GNAI2: variants seen among roughly 807,000 people sequenced by gnomAD.
GNAI2 encodes G protein subunit alpha i2.
Under a neutral mutation model 36.8 loss-of-function variants are expected in GNAI2, and 4 were observed. The ratio of observed to expected loss-of-function variants is 0.11; its 90% CI spans 0.05 to 0.25. The LOEUF (loss-of-function observed/expected upper bound fraction) is 0.25. GNAI2 is among the 10% of genes least tolerant of loss of function. The probability of loss-of-function intolerance (pLI) is 1.00; values close to 1 mark genes in which losing one functional copy is unlikely to be tolerated. For missense variants in GNAI2, 230 were observed against 481.3 expected (o/e 0.48, Z 4.89); for synonymous variants, 194 against 194.1 (o/e 1.00, Z 0.01).
Position 50,253,223 on chromosome 3 carries a change from CT to C in GNAI2, c.464+40del. 3.9e-6 allele frequency: 6 copies of C among 1,539,120 alleles called. No individual in the cohort carries two copies. Among genetic ancestry groups the C allele is most frequent in the Non-Finnish European group, 5.4e-6 (6 of 1,121,474 alleles). The stretch of plus-strand genomic sequence containing the variant: ...GGGGCTGGGCAGGGCAGGGCAGGGG[CT>C]GGGGGAGGACTAAAGGCTGGACCGG... On this transcript the variant is annotated intron_variant, in intron 4 of 8. Coordinates refer to ENST00000313601, the MANE Select transcript of GNAI2 (RefSeq NM_002070.4). The surrounding 1 kb of genome is among the most constrained non-coding windows in gnomAD (Gnocchi z 4.2).
chr3:50,251,910 G>A, intron 1 of GNAI2, 190 bp from the exon 2 acceptor site: 1 of 932,836 alleles, frequency 1.1e-6, no homozygotes, highest in Non-Finnish European at 1.6e-6. Flanking sequence ...AGGTTACCTT[G>A]ACCACTGTGG....
intron 1 of GNAI2, chr3:50,251,587 A>T: frequency 8.2e-7 from 1 of 1,224,026 alleles, no homozygotes; most frequent in Non-Finnish European, 1.0e-6. Context: ...CCATGTCCAG[A>T]AAGCTGAAGT....
chr3:50,238,870 C>T lies in GNAI2; in HGVS notation c.118+2417C>T, dbSNP rs1391113165. 2.6e-5 allele frequency among the ~76,000 whole-genome samples: 4 copies of T among 152,226 alleles called. No homozygotes were observed. The East Asian group carries it at 7.7e-4, about 29-fold the overall frequency. ...TCCAGGCAACGGGACTCAGGTTGGGCAACTGCCAGCCTTCCCTCCCAGCCA... is the reference window on the plus strand; with the variant it reads ...TCCAGGCAACGGGACTCAGGTTGGGTAACTGCCAGCCTTCCCTCCCAGCCA... On this transcript the variant is annotated intron_variant, in intron 1 of 8. Coordinates refer to ENST00000313601, the MANE Select transcript of GNAI2 (RefSeq NM_002070.4). The surrounding 1 kb of genome is among the most constrained non-coding windows in gnomAD (Gnocchi z 5.0).
intron 1 of GNAI2, among the ~76,000 whole-genome samples, chr3:50,243,647 T>C (rs1306439247): frequency 6.6e-6 from 1 of 152,236 alleles, no homozygotes; most frequent in Non-Finnish European, 1.5e-5. Flanking sequence ...TTCATTATCT[T>C]GTCATATTTA....
chr3:50,257,758 C>G (rs587710244), intron 8 of GNAI2, 44 bp downstream of exon 8: 4 of 545,780 alleles, frequency 7.3e-6, no homozygotes, highest in African/African-American at 5.4e-5. Context: ...AAGAACTAAG[C>G]GGGCCTGGAG....
intron 1 of GNAI2, chr3:50,246,805 C>G (rs1700434893): frequency 1.1e-6 from 1 of 876,390 alleles, no homozygotes; most frequent in East Asian, 3.0e-5. Flanking sequence ...CAGTGAGGCT[C>G]CTGGGCAGGA....
chr3:50,229,206 G>T (rs1273463378), upstream of GNAI2: 3 of 152,228 alleles, frequency 2.0e-5, no homozygotes, highest in Non-Finnish European at 1.5e-5. Flanking sequence ...GAATAGAATT[G>T]ATTATCATTT....
intron 1 of GNAI2, among the ~76,000 whole-genome samples, chr3:50,251,110 G>A (rs1261903815): frequency 2.0e-5 from 3 of 152,032 alleles, no homozygotes; most frequent in Non-Finnish European, 4.4e-5. Context: ...CACTCCCGGC[G>A]GAATCTGCTT....
chr3:50,252,266 A>T lies in GNAI2; in HGVS notation c.161+124A>T. On this transcript the variant is annotated intron_variant, in intron 2 of 8. Coordinates refer to ENST00000313601, the MANE Select transcript of GNAI2 (RefSeq NM_002070.4). The surrounding 1 kb of genome is among the most constrained non-coding windows in gnomAD (Gnocchi z 4.1). ...CCAGGCCCAGAATCTTCTGAGAAGC[A>T]GAAGGACCCTCAGGTCCCAGTGGGT... The T allele has an allele frequency of 7.2e-7, 1 of 1,397,492 alleles. No individual in the cohort carries two copies. Among genetic ancestry groups the T allele is most frequent in the Non-Finnish European group, 1.0e-6 (1 of 992,150 alleles). The allele number at this position is 1,397,492 out of a possible 1,614,324, so 86.6% of individuals were successfully genotyped here.
At chr3:50,250,293 A>G (rs1204110971) in intron 1 of GNAI2, among the ~76,000 whole-genome samples, 1 of 152,238 alleles carries the variant, frequency 6.6e-6, no homozygotes, top group Middle Eastern at 3.4e-3. Context: ...TTTGTGTGTT[A>G]GCACCTTCAT....
upstream of GNAI2, among the ~76,000 whole-genome samples, chr3:50,232,285 A>T (rs1700080572): frequency 6.6e-6 from 1 of 152,154 alleles, no homozygotes; most frequent in African/African-American, 2.4e-5. Context: ...AGCCAAGATC[A>T]TGCCACTGCG....
chr3:50,227,381 AGCGAGACAGG>A (rs1415874208), upstream of GNAI2: 12 of 397,298 alleles, frequency 3.0e-5, no homozygotes, highest in Admixed American at 9.0e-5. The surrounding 1 kb of genome is among the most constrained non-coding windows in gnomAD (Gnocchi z 5.9). Context: ...CCGGAGGCAG[AGCGAGACAGG>A]AGAGCAGGCA....
intron 8 of GNAI2, 67 bp downstream of exon 8, chr3:50,257,781 G>T: frequency 2.0e-4 from 75 of 381,188 alleles, no homozygotes; most frequent in Middle Eastern, 5.5e-4. Flanking sequence ...CCAGCAGGGG[G>T]TTCTGGGGGT....
At chr3:50,251,565 C>T (rs781938759) in intron 1 of GNAI2, 24 of 1,201,318 alleles carry the variant, frequency 2.0e-5, no homozygotes, top group South Asian at 1.8e-4. Flanking sequence ...GAGCAGAGGG[C>T]GGGGCATTGG....
rs1700616446 is a variant in GNAI2 at position 50,253,535 on chromosome 3, G to A, written c.464+351G>A. ...TGAGACAGGCGGGTCGTGAGATCAG[G>A]AGATCGAGACCATCCTGGCTAACAC... On this transcript the variant is annotated intron_variant, in intron 4 of 8. Coordinates refer to ENST00000313601, the MANE Select transcript of GNAI2 (RefSeq NM_002070.4). This position sits in a 1 kb window ranked among gnomAD's most constrained non-coding sequence, Gnocchi z 4.2. Among the ~76,000 whole-genome samples the A allele has an allele frequency of 6.6e-6, 1 of 152,212 alleles. No individual in the cohort carries two copies. The highest frequency in any genetic ancestry group is 1.5e-5 in the Non-Finnish European group (1 of 68,046).
rs12634583 is a variant in GNAI2 at position 50,248,177 on chromosome 3, C to T, written c.119-3923C>T. On this transcript the variant is annotated intron_variant, in intron 1 of 8. Transcript: ENST00000313601. ...TTGAACCGGGAGGCAGAGGTTGAACCGGGAGGCAAAGGTTGCAGTGAGCCA... is the reference window on the plus strand; with the variant it reads ...TTGAACCGGGAGGCAGAGGTTGAACTGGGAGGCAAAGGTTGCAGTGAGCCA... Among the ~76,000 whole-genome samples, 171 of 152,224 alleles carry T rather than the reference C, an allele frequency of 1.1e-3. 1 individual carries two copies. In the East Asian group the frequency reaches 0.016, roughly 14 times the overall value.
chr3:50,256,276 G>A lies in GNAI2; in HGVS notation c.549G>A (p.Thr183=), dbSNP rs1450299309. The A allele has an allele frequency of 6.9e-6, 11 of 1,600,374 alleles. No homozygotes were observed. The highest frequency in any genetic ancestry group is 6.8e-5 in the East Asian group (3 of 43,904). ...TGCTACGGACCCGCGTAAAGACCAC[G>A]GGGATCGTGGAGACACACTTCACCT... ...QDVLRTRVKT[T]GIVETHFTFK... is the part of the protein sequence containing the mutation. The change falls in exon 5 of 9, where the codon ACG becomes ACA. Residue 183 remains threonine (T), a synonymous_variant. Coordinates refer to ENST00000313601, the MANE Select transcript of GNAI2 (RefSeq NM_002070.4).
At chr3:50,239,076 C>T (rs1390362915) in intron 1 of GNAI2, among the ~76,000 whole-genome samples, 2 of 152,200 alleles carry the variant, frequency 1.3e-5, no homozygotes, top group Non-Finnish European at 2.9e-5. Flanking sequence ...GGATGCTCCC[C>T]ACTCCTACCC....
Position 50,258,857 on chromosome 3 carries a change from C to T in GNAI2, c.*514C>T, listed in dbSNP as rs1343202088. 9.1e-6 allele frequency: 4 copies of T among 437,208 alleles called. No individual in the cohort carries two copies. The highest frequency in any genetic ancestry group is 1.3e-5 in the Non-Finnish European group (3 of 222,394). 27.1% of individuals were successfully genotyped at this position (437,208 alleles called of 1,614,324 possible). ...CACCATTCCTGGAAACCACAGTCCA[C>T]CTGCTCATTCTCGTAGCTTTTTAAA... On this transcript the variant is annotated 3_prime_UTR_variant, in exon 9 of 9. Coordinates refer to ENST00000313601, the MANE Select transcript of GNAI2 (RefSeq NM_002070.4).
Sources: gnomAD v4.1 joint callset for allele counts (sites outside exome capture counted in the v4.1 genomes callset) on GRCh38, gnomAD v4.1.1 for gene constraint, Gnocchi (gnomAD v3.1) non-coding constraint, MANE v1.5 for transcripts, NCBI Gene and HGNC (gene_info 2026-07-23, HGNC 2026-07-21) for gene names.